Variants in VAV3 observed in about 807,000 individuals in gnomAD.
VAV3 encodes the protein vav guanine nucleotide exchange factor 3.
In VAV3, 94 loss-of-function variants were observed where a neutral mutation model predicts 131.2. The observed-to-expected ratio is 0.72, with a 90% CI of 0.61 to 0.85. The LOEUF is 0.85. VAV3 is among the 40% of genes least tolerant of loss of function. The probability of loss-of-function intolerance (pLI) is 0.00; values close to 1 mark genes in which losing one functional copy is unlikely to be tolerated. For missense variants in VAV3, 939 were observed against 1,002.7 expected (o/e 0.94, Z 0.86); for synonymous variants, 349 against 342.0 (o/e 1.02, Z -0.22).
intron 1 of VAV3, among the ~76,000 whole-genome samples, chr1:107,921,911 T>A (rs945338490): frequency 6.6e-6 from 1 of 152,186 alleles, no homozygotes; most frequent in Non-Finnish European, 1.5e-5. Flanking sequence ...TTACACTAGT[T>A]CATGGAGGAT....
At chr1:107,849,670 A>C (rs1669130989) in intron 2 of VAV3, among the ~76,000 whole-genome samples, 1 of 152,214 alleles carries the variant, frequency 6.6e-6, no homozygotes, top group South Asian at 2.1e-4. Flanking sequence ...AGAGGCAAAG[A>C]CTTCATGACT....
Position 107,575,003 on chromosome 1 carries a change from GCGCGCGCGCGCGCA to G in VAV3, c.2351-819_2351-806del, listed in dbSNP as rs749309037. Among the ~76,000 whole-genome samples, 97 of 34,280 alleles carry G rather than the reference GCGCGCGCGCGCGCA, an allele frequency of 2.8e-3. 1 individual carries two copies. The highest frequency in any genetic ancestry group is 0.011 in the Middle Eastern group (1 of 92). 22.5% of individuals were successfully genotyped at this position (34,280 alleles called of 152,430 possible). On this transcript the variant is annotated intron_variant, in intron 25 of 26. Coordinates refer to ENST00000370056, the MANE Select transcript of VAV3 (RefSeq NM_006113.5). ...TGTGTGTGTGTGTGTGCGTGCGTGC[GCGCGCGCGCGCGCA>G]CACGCGCGCGTGTTTAATATTCGAT... is the stretch of plus-strand genomic sequence containing the variant.
At chr1:107,626,270 C>T (rs1338781886) in intron 20 of VAV3, among the ~76,000 whole-genome samples, 1 of 152,190 alleles carries the variant, frequency 6.6e-6, no homozygotes, top group East Asian at 1.9e-4. Flanking sequence ...TCTATTTAAT[C>T]AAAGCCAGTT....
At chr1:107,717,079 G>A (rs1166130817) in intron 15 of VAV3, among the ~76,000 whole-genome samples, 1 of 152,118 alleles carries the variant, frequency 6.6e-6, no homozygotes, top group Non-Finnish European at 1.5e-5. Flanking sequence ...GGGATCGATG[G>A]TGATATCCCC....
rs781233596 is a variant in VAV3, at chr1:107,617,429, T to C, written c.1980+138A>G. 1.1e-3 allele frequency: 750 copies of C among 688,284 alleles called. 3 individuals are homozygous for C. Among genetic ancestry groups the C allele is most frequent in the Non-Finnish European group, 1.5e-3 (669 of 438,650 alleles). 42.6% of individuals were successfully genotyped at this position (688,284 alleles called of 1,614,324 possible). A position where few individuals can be genotyped will look rare whatever the true frequency, so the allele number is the denominator to read the frequency against. ...TCTGACAATAGAACTATAATGATGT[T>C]GAAAATAATGATTCTTCCAGAAAAT... On this transcript the variant is annotated intron_variant, in intron 21 of 26. Transcript: ENST00000370056.
intron 2 of VAV3, among the ~76,000 whole-genome samples, chr1:107,800,928 T>C (rs1666799641): frequency 6.6e-6 from 1 of 152,188 alleles, no homozygotes; most frequent in African/African-American, 2.4e-5. Context: ...TCCCCAGTGT[T>C]TTCTTCGAGT....
chr1:107,577,732 G>A (rs1649754999), intron 25 of VAV3, among the ~76,000 whole-genome samples: 1 of 152,184 alleles, frequency 6.6e-6, no homozygotes, highest in African/African-American at 2.4e-5. Flanking sequence ...GAGCCTGAAA[G>A]AAACTGGATC....
At chr1:107,681,754 C>G (rs112168571) in intron 19 of VAV3, among the ~76,000 whole-genome samples, 1 of 151,622 alleles carries the variant, frequency 6.6e-6, no homozygotes, top group African/African-American at 2.4e-5. Flanking sequence ...CCCGGGCTCA[C>G]GCCATTCTCC....
intron 11 of VAV3, among the ~76,000 whole-genome samples, chr1:107,756,442 A>C (rs891027602): frequency 1.3e-5 from 2 of 152,152 alleles, no homozygotes; most frequent in Non-Finnish European, 2.9e-5. Context: ...TTTTAATAAT[A>C]ATAATAAATA....
chr1:107,773,237 C>T (rs1227622393), intron 4 of VAV3, among the ~76,000 whole-genome samples: 1 of 152,146 alleles, frequency 6.6e-6, no homozygotes, highest in African/African-American at 2.4e-5. Context: ...ACTGGCAGAT[C>T]CAATATTTAA....
At chr1:107,592,772 C>T (rs907905617) in intron 25 of VAV3, among the ~76,000 whole-genome samples, 14 of 152,134 alleles carry the variant, frequency 9.2e-5, no homozygotes, top group Admixed American at 2.6e-4. Context: ...TAAGGTCAGA[C>T]AGCTACTCTG....
At chr1:107,835,775 C>T (rs1005333367) in intron 2 of VAV3, among the ~76,000 whole-genome samples, 5 of 152,158 alleles carry the variant, frequency 3.3e-5, no homozygotes, top group African/African-American at 9.7e-5. Flanking sequence ...CACTGCTCTG[C>T]CCAAAGATCC....
chr1:107,628,219 C>T (rs1570640954), intron 20 of VAV3, among the ~76,000 whole-genome samples: 1 of 152,088 alleles, frequency 6.6e-6, no homozygotes, highest in Non-Finnish European at 1.5e-5. Flanking sequence ...TGAAAAAGAT[C>T]CCCCTAATCA....
At chr1:107,642,905 T>C (rs1655456602) in intron 19 of VAV3, 150 bp from the exon 20 acceptor site, 2 of 1,116,338 alleles carry the variant, frequency 1.8e-6, no homozygotes, top group Non-Finnish European at 2.5e-6. Flanking sequence ...ATAGAATGAT[T>C]TTCAACTTTC....
At chr1:107,772,864 T>C (rs187930481) in intron 4 of VAV3, 21 bp from the exon 5 acceptor site, 3 of 1,597,658 alleles carry the variant, frequency 1.9e-6, no homozygotes, top group East Asian at 4.5e-5. Context: ...GGATATCATA[T>C]AAGGTCATTT....
intron 20 of VAV3, among the ~76,000 whole-genome samples, chr1:107,620,009 C>T (rs774498475): frequency 1.6e-4 from 25 of 152,146 alleles, no homozygotes; most frequent in Non-Finnish European, 3.7e-4. Context: ...CCCATGCACA[C>T]CTTTCCATAC....
chr1:107,753,537 T>TATATAC (rs1557822114), intron 12 of VAV3, among the ~76,000 whole-genome samples: 4 of 90,826 alleles, frequency 4.4e-5, no homozygotes, highest in African/African-American at 7.7e-5. Flanking sequence ...CGTATATATA[T>TATATAC]ATATATATAT....
intron 25 of VAV3, among the ~76,000 whole-genome samples, chr1:107,580,799 T>C (rs1433885540): frequency 6.6e-6 from 1 of 152,222 alleles, no homozygotes; most frequent in African/African-American, 2.4e-5. Flanking sequence ...AGGTATTTGA[T>C]AAAAATATTT....
At chr1:107,680,499 CTGGGCACCTTTGAGAGTACTTTACT>C (rs1477608425) in intron 19 of VAV3, among the ~76,000 whole-genome samples, 2 of 152,180 alleles carry the variant, frequency 1.3e-5, no homozygotes, top group East Asian at 1.9e-4. Context: ...TTACTATATA[CTGGGCACCTTTGAGAGTACTTTACT>C]TGGGCACCTT....
Sources: gnomAD v4.1 joint callset for allele counts (sites outside exome capture counted in the v4.1 genomes callset) on GRCh38, gnomAD v4.1.1 for gene constraint, MANE v1.5 for transcripts, NCBI Gene and HGNC (gene_info 2026-07-23, HGNC 2026-07-21) for gene names.